The following GAB1 variants were observed in gnomAD, a reference collection of about 807,000 sequenced individuals.
GAB1 encodes GRB2-associated-binding protein 1.
A neutral mutation model predicts 66.5 loss-of-function variants in GAB1; 19 were observed. That is an observed-to-expected ratio of 0.29 (90% CI 0.20 to 0.42). The LOEUF is 0.42. Among genes scored for constraint, GAB1 ranks in the 10% least tolerant of loss-of-function variants. The pLI, the probability that GAB1 is intolerant of heterozygous loss-of-function variation, is 1.00. For missense variants in GAB1, 732 were observed against 858.5 expected (o/e 0.85, Z 1.84); for synonymous variants, 294 against 301.4 (o/e 0.98, Z 0.25).
rs139752992 is a variant in GAB1, at chr4:143,438,132, G to T, written c.727G>T (p.Asp243Tyr). 1.2e-6 allele frequency: 2 copies of T among 1,613,762 alleles called. No homozygotes were observed. The highest frequency in any genetic ancestry group is 1.7e-5 in the Admixed American group (1 of 59,950). ...NGFFQQQMIY[D>Y]SPPSRAPSAS... ...CTTTTTTCAGCAGCAAATGATATAC[G>T]ACTCTCCACCTTCACGTGCCCCATC... is the stretch of plus-strand genomic sequence containing the variant. The change falls in exon 4 of 10, where the codon GAC (aspartate) becomes TAC (tyrosine). Residue 243 changes from aspartate (D) to tyrosine (Y), a missense_variant. Physicochemically the swap from Asp to Tyr is radical, Grantham distance 160. This residue lies in a region of GAB1 where 427 missense variants were observed against 420.6 expected (regional missense o/e 1.02). Transcript: ENST00000262994.
At chr4:143,417,387 C>A in intron 2 of GAB1, 1 of 417,260 alleles carries the variant, frequency 2.4e-6, no homozygotes, top group Non-Finnish European at 4.8e-6. Flanking sequence ...AATTCTACCT[C>A]GGGTACTTTT....
intron 1 of GAB1, among the ~76,000 whole-genome samples, chr4:143,411,439 T>C (rs1240442600): frequency 2.6e-5 from 4 of 152,240 alleles, no homozygotes; most frequent in Admixed American, 2.6e-4. Context: ...TACCTGCTCG[T>C]AATGGAAGTC....
At chr4:143,458,269 A>ACT (rs1735298589) in intron 6 of GAB1, among the ~76,000 whole-genome samples, 1 of 152,130 alleles carries the variant, frequency 6.6e-6, no homozygotes, top group Non-Finnish European at 1.5e-5. Flanking sequence ...CTATTTTAAG[A>ACT]ATATAGACAA....
intron 6 of GAB1, among the ~76,000 whole-genome samples, chr4:143,440,810 A>G (rs575630064): frequency 2.0e-5 from 3 of 152,326 alleles, no homozygotes; most frequent in East Asian, 3.9e-4. Flanking sequence ...TATATGTATT[A>G]TCTCTCAATT....
chr4:143,367,563 T>G (rs1285026413), intron 1 of GAB1, among the ~76,000 whole-genome samples: 5 of 152,020 alleles, frequency 3.3e-5, no homozygotes, highest in African/African-American at 9.6e-5. Flanking sequence ...TTTTTTTTTT[T>G]TTTTCTTTAC....
intron 1 of GAB1, among the ~76,000 whole-genome samples, chr4:143,369,901 C>T (rs995070921): frequency 3.3e-5 from 5 of 152,182 alleles, no homozygotes; most frequent in African/African-American, 1.2e-4. Flanking sequence ...GTGTTATTTC[C>T]ATAGCAGCAC....
intron 6 of GAB1, among the ~76,000 whole-genome samples, chr4:143,451,128 G>A (rs148419340): frequency 1.3e-5 from 2 of 152,260 alleles, no homozygotes; most frequent in East Asian, 1.9e-4. Context: ...CATAATTACC[G>A]TGGAAGGGGC....
At chr4:143,380,225 A>G (rs1198753775) in intron 1 of GAB1, among the ~76,000 whole-genome samples, 1 of 151,924 alleles carries the variant, frequency 6.6e-6, no homozygotes, top group African/African-American at 2.4e-5. Flanking sequence ...TCTGTGTACA[A>G]AAGTCTCATG....
At chr4:143,450,610 G>T (rs1389089243) in intron 6 of GAB1, among the ~76,000 whole-genome samples, 1 of 152,120 alleles carries the variant, frequency 6.6e-6, no homozygotes, top group African/African-American at 2.4e-5. Flanking sequence ...AGCAAAAATG[G>T]CTGGGCACAG....
chr4:143,404,377 A>G (rs1275186732), intron 1 of GAB1, among the ~76,000 whole-genome samples: 1 of 152,242 alleles, frequency 6.6e-6, no homozygotes, highest in African/African-American at 2.4e-5. Context: ...TGTGGAACAC[A>G]GTGAAACTAG....
chr4:143,452,172 G>A (rs1009570641), intron 6 of GAB1, among the ~76,000 whole-genome samples: 1 of 152,106 alleles, frequency 6.6e-6, no homozygotes, highest in Non-Finnish European at 1.5e-5. Flanking sequence ...TCAAACTCCT[G>A]GGCTCAAGTG....
At chr4:143,433,958 C>G in intron 3 of GAB1, 1 of 640,192 alleles carries the variant, frequency 1.6e-6, no homozygotes, top group Non-Finnish European at 2.6e-6. Context: ...GTTTTCCCTA[C>G]AAGGCTCTTT....
At chr4:143,393,174 C>CT (rs1163652063) in intron 1 of GAB1, among the ~76,000 whole-genome samples, 2 of 149,014 alleles carry the variant, frequency 1.3e-5, no homozygotes, top group Non-Finnish European at 3.0e-5. Flanking sequence ...AAACTATGGC[C>CT]TGTGGGCCTG....
chr4:143,407,857 T>A (rs914015378), intron 1 of GAB1, among the ~76,000 whole-genome samples: 1 of 152,216 alleles, frequency 6.6e-6, no homozygotes, highest in East Asian at 1.9e-4. Context: ...TTATTTACCC[T>A]AGTAATAGTA....
At chr4:143,460,166 A>G (rs1049171289) in intron 7 of GAB1, among the ~76,000 whole-genome samples, 198 bp from the exon 8 acceptor site, 1 of 152,188 alleles carries the variant, frequency 6.6e-6, no homozygotes, top group Non-Finnish European at 1.5e-5. Flanking sequence ...TCCAAAATAC[A>G]CTTTTATAAT....
At chr4:143,436,840 T>C (rs1312994400) in intron 3 of GAB1, among the ~76,000 whole-genome samples, 19 of 152,128 alleles carry the variant, frequency 1.2e-4, no homozygotes, top group Non-Finnish European at 2.6e-4. Flanking sequence ...GGTAAGATGA[T>C]GGAAGTTGTC....
rs1728925112 is a variant in GAB1, at chr4:143,344,399, T to C, written c.72+7139T>C. ...CACCAAGTTAGAGCTCCATCTGAATTTGCCATTTGAACTTGGATTGAAGTC... is the reference window on the plus strand; with the variant it reads ...CACCAAGTTAGAGCTCCATCTGAATCTGCCATTTGAACTTGGATTGAAGTC... On this transcript the variant is annotated intron_variant, in intron 1 of 9. Transcript: ENST00000262994. Among the ~76,000 whole-genome samples the C allele has an allele frequency of 2.6e-5, 4 of 152,232 alleles. No homozygotes were observed. The South Asian group carries it at 8.3e-4, about 31-fold the overall frequency.
At chr4:143,450,925 A>G (rs956928455) in intron 6 of GAB1, among the ~76,000 whole-genome samples, 3 of 151,950 alleles carry the variant, frequency 2.0e-5, no homozygotes, top group Admixed American at 2.0e-4. Flanking sequence ...GAGATTGATC[A>G]GGTTAAACAC....
intron 2 of GAB1, among the ~76,000 whole-genome samples, chr4:143,431,925 G>A (rs978352524): frequency 4.0e-5 from 6 of 151,474 alleles, no homozygotes; most frequent in Non-Finnish European, 8.8e-5. Context: ...TCTTGGTCTA[G>A]CAAAACTCTG....
Sources: gnomAD v4.1 joint callset for allele counts (sites outside exome capture counted in the v4.1 genomes callset) on GRCh38, gnomAD v4.1.1 for gene constraint, gnomAD v4.1.1 regional missense constraint, MANE v1.5 for transcripts, NCBI Gene and HGNC (gene_info 2026-07-23, HGNC 2026-07-21) for gene names.